Variants in KIRREL3 observed in about 807,000 individuals in gnomAD.
The protein encoded by KIRREL3 is kin of IRRE-like protein 3.
Under a neutral mutation model 89.7 loss-of-function variants are expected in KIRREL3, and 36 were observed. That is an observed-to-expected ratio of 0.40 (90% CI 0.31 to 0.53). The LOEUF (loss-of-function observed/expected upper bound fraction) is 0.53, where lower values mean the gene tolerates loss of function less well. KIRREL3 is among the 20% of genes least tolerant of loss of function. KIRREL3 has a pLI of 0.49. For synonymous variants in KIRREL3, 445 were observed against 441.4 expected (o/e 1.01, Z -0.10); for missense variants, 864 against 1,056.6 (o/e 0.82, Z 2.53).
chr11:126,700,190 T>C (rs1947259090), intron 1 of KIRREL3, among the ~76,000 whole-genome samples: 2 of 59,378 alleles, frequency 3.4e-5, no homozygotes, highest in Admixed American at 1.8e-4. Context: ...TAAGACTTTG[T>C]CACAAAAAAA....
At chr11:126,630,061 C>T (rs1175308105) in intron 1 of KIRREL3, among the ~76,000 whole-genome samples, 1 of 152,190 alleles carries the variant, frequency 6.6e-6, no homozygotes, top group African/African-American at 2.4e-5. Flanking sequence ...GGGGATTATT[C>T]ATGTTATTCC....
intron 1 of KIRREL3, among the ~76,000 whole-genome samples, chr11:126,873,115 T>C (rs963373639): frequency 6.6e-5 from 10 of 152,152 alleles, no homozygotes; most frequent in African/African-American, 2.4e-4. Context: ...GTGTAATATA[T>C]CATGGAATAG....
rs573630944 is a variant in KIRREL3 at position 126,570,286 on chromosome 11, G to C, written c.56-7374C>G. On this transcript the variant is annotated intron_variant, in intron 1 of 16. Transcript: ENST00000525144. This position sits in a 1 kb window ranked among gnomAD's most constrained non-coding sequence, Gnocchi z 6.1. Reference sequence around the variant, plus strand: ...TATGAGTTAATTATACTAGAACTAAGTTTTTCCCCATTCATATTATCAATT... The same window carrying C: ...TATGAGTTAATTATACTAGAACTAACTTTTTCCCCATTCATATTATCAATT... Among the ~76,000 whole-genome samples the C allele has an allele frequency of 2.3e-4, 34 of 146,062 alleles. 1 individual carries two copies. The South Asian group carries it at 6.9e-3, about 30-fold the overall frequency.
At chr11:126,857,181 C>T (rs1048983661) in intron 1 of KIRREL3, among the ~76,000 whole-genome samples, 12 of 152,296 alleles carry the variant, frequency 7.9e-5, no homozygotes, top group Admixed American at 2.0e-4. Context: ...GGAGAGCACA[C>T]GATCGATGCT....
chr11:126,901,255 C>T (rs1450393248), intron 1 of KIRREL3, among the ~76,000 whole-genome samples: 1 of 151,700 alleles, frequency 6.6e-6, no homozygotes, highest in African/African-American at 2.4e-5. Context: ...TTCCTATAAC[C>T]AGCACAGCAC....
intron 2 of KIRREL3, among the ~76,000 whole-genome samples, chr11:126,538,964 C>T (rs1334776231): frequency 1.3e-5 from 2 of 152,094 alleles, no homozygotes; most frequent in African/African-American, 4.8e-5. Flanking sequence ...AGGATGAAGA[C>T]AAGGTGGGAA....
Position 126,505,307 on chromosome 11 carries a change from C to T in KIRREL3, c.433+16008G>A, listed in dbSNP as rs909645088. ...TTTATCAGCCAGGCACAGTGGCTCA[C>T]ACTTGTAATTCCAGCACTCTGGGAG... On this transcript the variant is annotated intron_variant, in intron 4 of 16. Coordinates refer to ENST00000525144, the MANE Select transcript of KIRREL3 (RefSeq NM_032531.4). 3.3e-4 allele frequency among the ~76,000 whole-genome samples: 50 copies of T among 152,230 alleles called. 1 individual carries two copies. The highest frequency in any genetic ancestry group is 1.4e-3 in the Admixed American group (21 of 15,282).
chr11:126,559,428 C>A (rs1024676840), intron 2 of KIRREL3, among the ~76,000 whole-genome samples: 1 of 152,176 alleles, frequency 6.6e-6, no homozygotes, highest in Non-Finnish European at 1.5e-5. Flanking sequence ...GGAGTCTTTG[C>A]CCTCCTCCAG....
chr11:126,607,079 A>G lies in KIRREL3; in HGVS notation c.56-44167T>C, dbSNP rs538839838. 5.3e-5 allele frequency among the ~76,000 whole-genome samples: 8 copies of G among 152,322 alleles called. No homozygotes were observed. In the East Asian group the frequency reaches 1.5e-3, roughly 29 times the overall value. ...TTCCAAGGGGCTCTCTCTGGCAGCC[A>G]AGAACCAACCACAGGGCTTGTCGTG... On this transcript the variant is annotated intron_variant, in intron 1 of 16. Transcript: ENST00000525144. This position sits in a 1 kb window ranked among gnomAD's most constrained non-coding sequence, Gnocchi z 6.6.
rs988535354 is a variant in KIRREL3, at chr11:126,557,019, G to A, written c.133+5816C>T. On this transcript the variant is annotated intron_variant, in intron 2 of 16. Transcript: ENST00000525144. This position sits in a 1 kb window ranked among gnomAD's most constrained non-coding sequence, Gnocchi z 5.6. ...AGCCAACATCCCGGGGGCTCGGCAG[G>A]CAGTGGAGGAATGGGCTCAGGAAAA... Among the ~76,000 whole-genome samples, 3 of 152,184 alleles carry A rather than the reference G, an allele frequency of 2.0e-5. No homozygotes were observed. The highest frequency in any genetic ancestry group is 4.8e-5 in the African/African-American group (2 of 41,440).
intron 1 of KIRREL3, among the ~76,000 whole-genome samples, chr11:126,583,105 C>T (rs1941643178): frequency 6.6e-6 from 1 of 152,210 alleles, no homozygotes; most frequent in East Asian, 1.9e-4. Flanking sequence ...ATGTGGACAG[C>T]TGGCTCCCCG....
At chr11:126,852,537 T>C (rs896885033) in intron 1 of KIRREL3, among the ~76,000 whole-genome samples, 32 of 152,286 alleles carry the variant, frequency 2.1e-4, no homozygotes, top group African/African-American at 7.7e-4. Flanking sequence ...CTGGAGACCG[T>C]AAGTCCTCTG....
Position 126,570,668 on chromosome 11 carries a change from A to G in KIRREL3, c.56-7756T>C, listed in dbSNP as rs190681143. Among the ~76,000 whole-genome samples the G allele has an allele frequency of 1.2e-4, 19 of 152,306 alleles. No homozygotes were observed. The highest frequency in any genetic ancestry group is 1.2e-3 in the Admixed American group (18 of 15,300). ...CTGCCTTCTCCAGCCTGCTCCAGCC[A>G]TGCCATTATTTGGCTGGCATAGCTC... On this transcript the variant is annotated intron_variant, in intron 1 of 16. Coordinates refer to ENST00000525144, the MANE Select transcript of KIRREL3 (RefSeq NM_032531.4). The surrounding 1 kb of genome is among the most constrained non-coding windows in gnomAD (Gnocchi z 6.1).
chr11:126,690,678 G>A (rs751288744), intron 1 of KIRREL3, among the ~76,000 whole-genome samples: 57 of 152,152 alleles, frequency 3.7e-4, no homozygotes, highest in Non-Finnish European at 5.6e-4. Flanking sequence ...TGCAGGCTTC[G>A]CTGACTAATC....
intron 1 of KIRREL3, among the ~76,000 whole-genome samples, chr11:126,866,096 G>A (rs1944908665): frequency 6.6e-6 from 1 of 152,220 alleles, no homozygotes; most frequent in African/African-American, 2.4e-5. Flanking sequence ...GAGCACAGAA[G>A]GAGAAGAAAG....
chr11:126,921,631 T>C lies in KIRREL3; in HGVS notation c.55+78824A>G, dbSNP rs28833031. Among the ~76,000 whole-genome samples the C allele has an allele frequency of 2.0e-4, 5 of 25,200 alleles. 1 individual carries two copies. The highest frequency in any genetic ancestry group is 1.7e-3 in the African/African-American group (4 of 2,376). 16.5% of individuals were successfully genotyped at this position (25,200 alleles called of 152,430 possible). A position where few individuals can be genotyped will look rare whatever the true frequency, so the allele number is the denominator to read the frequency against. On this transcript the variant is annotated intron_variant, in intron 1 of 16. Transcript: ENST00000525144. ...CTATCTATCTATCTATCTTCCTATC[T>C]ATCCATCCATCTTCCTGTGTTCCTA...
In KIRREL3 at chr11:126,428,938, C is replaced by T. The variant is rs559304636; in HGVS notation, c.1806+241G>A. Among the ~76,000 whole-genome samples the T allele has an allele frequency of 8.0e-4, 122 of 152,358 alleles. No homozygotes were observed. Among genetic ancestry groups the T allele is most frequent in the Non-Finnish European group, 1.6e-3 (107 of 68,026 alleles). On this transcript the variant is annotated intron_variant, in intron 15 of 16. Transcript: ENST00000525144. The surrounding 1 kb of genome is among the most constrained non-coding windows in gnomAD (Gnocchi z 6.4). ...TTGGGATTGCAAGCGTGAGCCACTGCACCTGGCCTGGACTGCATCTTAGAT... is the reference window on the plus strand; with the variant it reads ...TTGGGATTGCAAGCGTGAGCCACTGTACCTGGCCTGGACTGCATCTTAGAT...
Position 126,940,449 on chromosome 11 carries a change from C to G in KIRREL3, c.55+60006G>C, listed in dbSNP as rs895250050. The G allele has an allele frequency of 1.3e-5, 2 of 152,046 alleles. No homozygotes were observed. The highest frequency in any genetic ancestry group is 2.4e-5 in the African/African-American group (1 of 41,406). The allele number at this position is 152,046 out of a possible 1,614,324, so 9.4% of individuals were successfully genotyped here. A position where few individuals can be genotyped will look rare whatever the true frequency, so the allele number is the denominator to read the frequency against. ...TTAAAAAATGAACAGTATTTCTTAC[C>G]CGAGTGAAGCTTTAAAAGTCATTAT... On this transcript the variant is annotated intron_variant, in intron 1 of 16. Coordinates refer to ENST00000525144, the MANE Select transcript of KIRREL3 (RefSeq NM_032531.4). This position sits in a 1 kb window ranked among gnomAD's most constrained non-coding sequence, Gnocchi z 4.6.
rs1286602119 is a variant in KIRREL3, at chr11:126,587,133, G to C, written c.56-24221C>G. Among the ~76,000 whole-genome samples the C allele has an allele frequency of 6.6e-6, 1 of 152,166 alleles. No individual in the cohort carries two copies. The highest frequency in any genetic ancestry group is 1.9e-4 in the East Asian group (1 of 5,184). On this transcript the variant is annotated intron_variant, in intron 1 of 16. Transcript: ENST00000525144. The surrounding 1 kb of genome is among the most constrained non-coding windows in gnomAD (Gnocchi z 5.2). ...GTGGAAGAGTCCAGAGCACCGGGATGATGTGTAGGGAGAGCCACTCACCAG... is the reference window on the plus strand; with the variant it reads ...GTGGAAGAGTCCAGAGCACCGGGATCATGTGTAGGGAGAGCCACTCACCAG...
Sources: allele counts gnomAD v4.1 joint callset (sites outside exome capture counted in the v4.1 genomes callset), GRCh38; gene constraint gnomAD v4.1.1; non-coding constraint Gnocchi (gnomAD v3.1); transcripts MANE v1.5; gene names NCBI Gene and HGNC (gene_info 2026-07-23, HGNC 2026-07-21).